Variants in BIN2 observed in about 807,000 individuals in gnomAD.
BIN2 encodes the protein breast cancer associated protein BRAP1.
A neutral mutation model predicts 67.9 loss-of-function variants in BIN2; 43 were observed. The ratio of observed to expected loss-of-function variants is 0.63; its 90% CI spans 0.50 to 0.82. The LOEUF (loss-of-function observed/expected upper bound fraction) is 0.82. Ranked by LOEUF, BIN2 falls within the 40% of genes least tolerant of loss-of-function variation. BIN2 has a pLI of 0.00. For missense variants in BIN2, 581 were observed against 671.6 expected, an observed-to-expected ratio of 0.87 and a Z score of 1.49; for synonymous variants, 244 against 246.8, an observed-to-expected ratio of 0.99 and a Z score of 0.11.
Position 51,291,782 on chromosome 12 carries a change from C to T in BIN2, c.1324G>A (p.Gly442Arg). ...NIPSSPTASG[G>R]GSPTSPRASL... Reference sequence around the variant, plus strand: ...GCCCTAGGGCTGGTGGGTGAACCCCCTCCAGAGGCTGTAGGGCTGGAAGGT... The same window carrying T: ...GCCCTAGGGCTGGTGGGTGAACCCCTTCCAGAGGCTGTAGGGCTGGAAGGT... Residue 442 changes from glycine to arginine, a missense_variant, in exon 10 of 13, where the codon GGG becomes AGG. Transcript: ENST00000615107. 3.7e-6 allele frequency: 6 copies of T among 1,613,692 alleles called. No individual in the cohort carries two copies. Among genetic ancestry groups the T allele is most frequent in the Non-Finnish European group, 5.1e-6 (6 of 1,179,780 alleles).
intron 2 of BIN2, among the ~76,000 whole-genome samples, chr12:51,308,274 C>G (rs927062168): frequency 3.9e-5 from 6 of 152,196 alleles, no homozygotes; most frequent in Admixed American, 3.3e-4. Flanking sequence ...ATTTCTTCAT[C>G]TATAAATGCA....
At position 51,292,071 on chromosome 12, in the gene BIN2, C is replaced by G; in HGVS notation, c.1035G>C (p.Gln345His). Residue 345 changes from glutamine (Q) to histidine (H), a missense_variant, in exon 10 of 13, where the codon CAG becomes CAC. Coordinates refer to ENST00000615107, the MANE Select transcript of BIN2 (RefSeq NM_016293.4). ...TTTCAGTGGTAGGAGAGGGCTGGGC[C>G]TGGGCGGGGCCATTGCAGGCTGGTA... is the stretch of plus-strand genomic sequence containing the variant. Reference protein sequence around the residue: ...EPLPACNGPAQAQPSPTTERA... With the variant: ...EPLPACNGPAHAQPSPTTERA... 1 of 1,614,164 alleles carries G rather than the reference C, an allele frequency of 6.2e-7. No individual in the cohort carries two copies. The highest frequency in any genetic ancestry group is 8.5e-7 in the Non-Finnish European group (1 of 1,180,018).
At position 51,299,203 on chromosome 12, in the gene BIN2, C is replaced by G. The variant is rs1945652039; in HGVS notation, c.602G>C (p.Ser201Thr). 1 of 1,609,226 alleles carries G rather than the reference C, an allele frequency of 6.2e-7. No individual in the cohort carries two copies. Among genetic ancestry groups the G allele is most frequent in the Non-Finnish European group, 8.5e-7 (1 of 1,175,688 alleles). ...ACCTTTTCTGAATTTCAGTCATTAC[C>G]TATTATAAAGAATAGGCAGCTCCTC... is the stretch of plus-strand genomic sequence containing the variant. ...LLEELPILYN[S>T]RIGCYVTIFQ... The change falls in exon 7 of 13, where the codon AGT becomes ACT. Residue 201 changes from serine to threonine, a missense_variant and splice_region_variant. Transcript: ENST00000615107.
At position 51,313,913 on chromosome 12, in the gene BIN2, T is replaced by C; in HGVS notation, c.82-10A>G. 8 of 1,611,938 alleles carry C rather than the reference T, an allele frequency of 5.0e-6. No homozygotes were observed. The highest frequency in any genetic ancestry group is 6.8e-6 in the Non-Finnish European group (8 of 1,178,024). Reference sequence around the variant, plus strand: ...CCAATTTCTGCAGCACCTAGGGATATAAGTCAGAAAGGCCCGTAAGGTTAT... The same window carrying C: ...CCAATTTCTGCAGCACCTAGGGATACAAGTCAGAAAGGCCCGTAAGGTTAT... On this transcript the variant is annotated splice_polypyrimidine_tract_variant and intron_variant, in intron 1 of 12. Coordinates refer to ENST00000615107, the MANE Select transcript of BIN2 (RefSeq NM_016293.4).
In BIN2 at chr12:51,295,576, A is replaced by G. The variant is rs1945529712; in HGVS notation, c.761+220T>C. Among the ~76,000 whole-genome samples the G allele has an allele frequency of 7.1e-4, 13 of 18,402 alleles. 2 individuals carry two copies. The Admixed American group carries it at 9.6e-3, about 14-fold the overall frequency. 12.1% of individuals were successfully genotyped at this position (18,402 alleles called of 152,430 possible). The stretch of plus-strand genomic sequence containing the variant: ...AGACTCCGTCTCAAAAAAAAAAAAA[A>G]AATATATATATATATATATATATAT... On this transcript the variant is annotated intron_variant, in intron 9 of 12. Coordinates refer to ENST00000615107, the MANE Select transcript of BIN2 (RefSeq NM_016293.4).
At chr12:51,296,824 G>T (rs774604619) in intron 8 of BIN2, among the ~76,000 whole-genome samples, 4 of 152,082 alleles carry the variant, frequency 2.6e-5, no homozygotes, top group Non-Finnish European at 5.9e-5. Flanking sequence ...TCCTTCTATA[G>T]GCCTAACCTC....
chr12:51,295,577 A>C, intron 9 of BIN2, among the ~76,000 whole-genome samples: 1 of 29,546 alleles, frequency 3.4e-5, no homozygotes, highest in East Asian at 1.1e-3. Context: ...AAAAAAAAAA[A>C]ATATATATAT....
intron 11 of BIN2, among the ~76,000 whole-genome samples, 162 bp downstream of exon 11, chr12:51,287,946 C>T (rs1945281674): frequency 1.3e-5 from 2 of 152,130 alleles, no homozygotes; most frequent in Non-Finnish European, 2.9e-5. Flanking sequence ...CCACCGCGCC[C>T]GGCCAGGACA....
intron 2 of BIN2, among the ~76,000 whole-genome samples, chr12:51,311,245 G>A (rs150393385): frequency 2.5e-4 from 38 of 151,866 alleles, no homozygotes; most frequent in Non-Finnish European, 4.6e-4. Flanking sequence ...TAGAGTTAAG[G>A]TCTCCTGTGT....
intron 11 of BIN2, among the ~76,000 whole-genome samples, chr12:51,285,181 C>G (rs970101379): frequency 2.6e-5 from 4 of 152,186 alleles, no homozygotes; most frequent in African/African-American, 9.6e-5. Context: ...GCAACTCTCA[C>G]ACTTAAGTGA....
At chr12:51,281,565 G>A (rs1393293396) in intron 12 of BIN2, 37 bp from the exon 13 acceptor site, 1 of 1,611,106 alleles carries the variant, frequency 6.2e-7, no homozygotes, top group Admixed American at 1.7e-5. Flanking sequence ...GTGTTGACCT[G>A]CCTTCCCACC....
chr12:51,304,708 T>C (rs1483284887), intron 2 of BIN2, among the ~76,000 whole-genome samples: 2 of 152,342 alleles, frequency 1.3e-5, no homozygotes, highest in African/African-American at 2.4e-5. Context: ...TGATAGACTA[T>C]TGATGATACC....
At chr12:51,318,072 A>G (rs1338139789) in intron 1 of BIN2, among the ~76,000 whole-genome samples, 1 of 152,212 alleles carries the variant, frequency 6.6e-6, no homozygotes, top group Non-Finnish European at 1.5e-5. Flanking sequence ...AGACAACAGC[A>G]TCAGGAAAAT....
Position 51,284,805 on chromosome 12 carries a change from C to T in BIN2, c.1597-18G>A. The T allele has an allele frequency of 6.2e-7, 1 of 1,602,740 alleles. No individual in the cohort carries two copies. The highest frequency in any genetic ancestry group is 8.5e-7 in the Non-Finnish European group (1 of 1,169,826). On this transcript the variant is annotated intron_variant, in intron 11 of 12. Coordinates refer to ENST00000615107, the MANE Select transcript of BIN2 (RefSeq NM_016293.4). Reference sequence around the variant, plus strand: ...TCTTGGCCCTACAAAGAGAAGAGTTCTGCCAGTAAGAGGTGGCTCAACCTT... The same window carrying T: ...TCTTGGCCCTACAAAGAGAAGAGTTTTGCCAGTAAGAGGTGGCTCAACCTT...
At chr12:51,312,974 T>C (rs1946030339) in intron 2 of BIN2, among the ~76,000 whole-genome samples, 1 of 152,180 alleles carries the variant, frequency 6.6e-6, no homozygotes, top group South Asian at 2.1e-4. Flanking sequence ...GGCTCATGCC[T>C]GTAATCCCAG....
At chr12:51,281,758 T>C (rs1945124783) in intron 12 of BIN2, among the ~76,000 whole-genome samples, 1 of 151,604 alleles carries the variant, frequency 6.6e-6, no homozygotes, top group Non-Finnish European at 1.5e-5. Flanking sequence ...GGAGAATTTC[T>C]TTTTTTTTCT....
chr12:51,307,744 CAAAT>C (rs1478688955), intron 2 of BIN2, among the ~76,000 whole-genome samples: 1 of 151,730 alleles, frequency 6.6e-6, no homozygotes, highest in African/African-American at 2.4e-5. Flanking sequence ...ACAATTTGTA[CAAAT>C]AAAGTTCCTA....
At chr12:51,312,244 C>T (rs1946015354) in intron 2 of BIN2, among the ~76,000 whole-genome samples, 2 of 152,206 alleles carry the variant, frequency 1.3e-5, no homozygotes, top group Non-Finnish European at 2.9e-5. Context: ...CACAACCTTG[C>T]ACAAAGGCCA....
intron 10 of BIN2, among the ~76,000 whole-genome samples, chr12:51,290,803 G>A (rs557702726): frequency 2.2e-4 from 34 of 152,150 alleles, no homozygotes; most frequent in African/African-American, 7.7e-4. Flanking sequence ...CATGGTGGCC[G>A]GCACCCGTAG....
Sources: gnomAD v4.1 joint callset for allele counts (sites outside exome capture counted in the v4.1 genomes callset) on GRCh38, gnomAD v4.1.1 for gene constraint, MANE v1.5 for transcripts, NCBI Gene and HGNC (gene_info 2026-07-23, HGNC 2026-07-21) for gene names.